Variants in KIAA0319L observed in about 807,000 individuals in gnomAD.
The protein encoded by KIAA0319L is dyslexia-associated protein KIAA0319-like protein.
A neutral mutation model predicts 120.1 loss-of-function variants in KIAA0319L; 55 were observed. That is an observed-to-expected ratio of 0.46 (90% CI 0.37 to 0.57). The LOEUF (loss-of-function observed/expected upper bound fraction) is 0.57. Among genes scored for constraint, KIAA0319L ranks in the 20% least tolerant of loss-of-function variants. KIAA0319L has a pLI of 0.00. For synonymous variants in KIAA0319L, 398 were observed against 471.9 expected (o/e 0.84, Z 2.03); for missense variants, 1,049 against 1,255.3 (o/e 0.84, Z 2.48).
At chr1:35,528,565 G>A (rs1313319730) in intron 2 of KIAA0319L, among the ~76,000 whole-genome samples, 1 of 152,202 alleles carries the variant, frequency 6.6e-6, no homozygotes, top group Admixed American at 6.5e-5. Flanking sequence ...AATGTTCCAT[G>A]TGTTGATGGG....
At chr1:35,465,222 C>T (rs576782371) in intron 7 of KIAA0319L, among the ~76,000 whole-genome samples, 6 of 152,334 alleles carry the variant, frequency 3.9e-5, no homozygotes, top group South Asian at 2.1e-4. Context: ...AGACACTCAA[C>T]GCCAGGCTGT....
chr1:35,448,394 T>C, intron 15 of KIAA0319L, 62 bp from the exon 16 acceptor site: 2 of 1,480,722 alleles, frequency 1.4e-6, no homozygotes, highest in African/African-American at 2.8e-5. Context: ...GACCTGCCAC[T>C]GTGCATTTGC....
intron 2 of KIAA0319L, among the ~76,000 whole-genome samples, chr1:35,545,756 G>C (rs964786875): frequency 6.6e-6 from 1 of 152,098 alleles, no homozygotes; most frequent in African/African-American, 2.4e-5. Flanking sequence ...TTAGCCGGGC[G>C]TGGTGGCAGG....
At chr1:35,539,896 G>A (rs766890199) in intron 2 of KIAA0319L, among the ~76,000 whole-genome samples, 6 of 152,326 alleles carry the variant, frequency 3.9e-5, no homozygotes, top group Non-Finnish European at 7.4e-5. Flanking sequence ...GGCTACAGAA[G>A]TGAAACTGAA....
intron 3 of KIAA0319L, among the ~76,000 whole-genome samples, chr1:35,495,495 A>G (rs1337492717): frequency 1.3e-5 from 2 of 152,244 alleles, no homozygotes; most frequent in East Asian, 3.8e-4. Context: ...CAAAATTAAT[A>G]TCTGCTCTTT....
At chr1:35,540,504 G>T (rs1646747459) in intron 2 of KIAA0319L, among the ~76,000 whole-genome samples, 1 of 152,168 alleles carries the variant, frequency 6.6e-6, no homozygotes, top group South Asian at 2.1e-4. Context: ...CCAACTTGGG[G>T]GCAAAGGCTG....
At chr1:35,488,282 G>C (rs943698425) in intron 3 of KIAA0319L, among the ~76,000 whole-genome samples, 4 of 152,072 alleles carry the variant, frequency 2.6e-5, no homozygotes, top group African/African-American at 9.7e-5. Flanking sequence ...ACTTCACTCT[G>C]CCACCATTAC....
At chr1:35,471,431 C>A (rs560817080) in intron 5 of KIAA0319L, among the ~76,000 whole-genome samples, 3 of 152,234 alleles carry the variant, frequency 2.0e-5, no homozygotes, top group African/African-American at 7.2e-5. Context: ...GAGGTCATCA[C>A]ACCCTGGTGA....
At chr1:35,535,709 G>C (rs927070567) in intron 2 of KIAA0319L, among the ~76,000 whole-genome samples, 1 of 151,868 alleles carries the variant, frequency 6.6e-6, no homozygotes, top group Non-Finnish European at 1.5e-5. Context: ...ATTTTAGCTC[G>C]GCCACCACTT....
At chr1:35,536,885 A>C (rs1011569274) in intron 2 of KIAA0319L, among the ~76,000 whole-genome samples, 6 of 152,192 alleles carry the variant, frequency 3.9e-5, no homozygotes, top group Middle Eastern at 3.4e-3. Context: ...AAAAAAAAAA[A>C]AACAACTGTA....
rs539803905 is a variant in KIAA0319L, at chr1:35,492,188, T to A, written c.667-12976A>T. ...CAGATGTAAAAATTCATGACAAAAA[T>A]TTGATAAATCAAATATAAAAATACA... On this transcript the variant is annotated intron_variant, in intron 3 of 20. Transcript: ENST00000325722. Among the ~76,000 whole-genome samples, 184 of 152,216 alleles carry A rather than the reference T, an allele frequency of 1.2e-3. 1 individual carries two copies. Among genetic ancestry groups the A allele is most frequent in the Non-Finnish European group, 2.0e-3 (139 of 68,020 alleles).
At chr1:35,493,968 C>G (rs776127119) in intron 3 of KIAA0319L, among the ~76,000 whole-genome samples, 3 of 151,946 alleles carry the variant, frequency 2.0e-5, no homozygotes, top group African/African-American at 4.8e-5. Flanking sequence ...TCTGAAAATC[C>G]AACATTATTA....
intron 3 of KIAA0319L, among the ~76,000 whole-genome samples, chr1:35,504,289 C>T (rs1313699451): frequency 6.6e-6 from 1 of 152,002 alleles, no homozygotes. Flanking sequence ...CTCCACCTCC[C>T]AGGTTCACGA....
At chr1:35,487,693 A>G (rs956768488) in intron 3 of KIAA0319L, among the ~76,000 whole-genome samples, 1 of 152,218 alleles carries the variant, frequency 6.6e-6, no homozygotes, top group Non-Finnish European at 1.5e-5. Context: ...ACGTCCACTG[A>G]CACCTCAAGT....
upstream of KIAA0319L, chr1:35,557,450 C>T: frequency 2.9e-6 from 1 of 347,588 alleles, no homozygotes; most frequent in South Asian, 2.1e-5. Context: ...ACACACTCTC[C>T]ATGCTAACCA....
chr1:35,550,162 C>T (rs1647146335), intron 2 of KIAA0319L, among the ~76,000 whole-genome samples: 2 of 152,082 alleles, frequency 1.3e-5, no homozygotes, highest in Admixed American at 1.3e-4. Flanking sequence ...AGTACTGAAC[C>T]CAAAAGTGGA....
intron 3 of KIAA0319L, among the ~76,000 whole-genome samples, chr1:35,500,107 G>A (rs372104452): frequency 2.0e-5 from 3 of 152,186 alleles, no homozygotes; most frequent in South Asian, 2.1e-4. Context: ...ACAGGGAGAC[G>A]ATGCTGTTAG....
chr1:35,448,027 A>C (rs548274636), intron 16 of KIAA0319L, 146 bp downstream of exon 16: 11 of 759,254 alleles, frequency 1.4e-5, no homozygotes, highest in Non-Finnish European at 2.4e-5. Context: ...ACTAGAAGAC[A>C]GAAGTCTATT....
Position 35,454,395 on chromosome 1 carries a change from C to T in KIAA0319L, c.1747G>A (p.Ala583Thr). 2 of 1,614,074 alleles carry T rather than the reference C, an allele frequency of 1.2e-6. No homozygotes were observed. Among genetic ancestry groups the T allele is most frequent in the Non-Finnish European group, 8.5e-7 (1 of 1,179,918 alleles). ...LTVTDTIGQQ[A>T]TAQVTVIVQP... is the part of the protein sequence containing the mutation. ...ACAATAACAGTCACTTGAGCAGTGGCCTGCTGTCCTATTGTGTCAGTCACT... is the reference window on the plus strand; with the variant it reads ...ACAATAACAGTCACTTGAGCAGTGGTCTGCTGTCCTATTGTGTCAGTCACT... Residue 583 changes from alanine to threonine, a missense_variant, in exon 11 of 21, where the codon GCC (alanine) becomes ACC (threonine). Ala to Thr is a moderately conservative substitution (Grantham distance 58). Coordinates refer to ENST00000325722, the MANE Select transcript of KIAA0319L (RefSeq NM_024874.5).
Sources: allele counts gnomAD v4.1 joint callset (sites outside exome capture counted in the v4.1 genomes callset), GRCh38; gene constraint gnomAD v4.1.1; transcripts MANE v1.5; gene names NCBI Gene and HGNC (gene_info 2026-07-23, HGNC 2026-07-21).